SYNJ2: variants seen among roughly 807,000 people sequenced by gnomAD.
The protein encoded by SYNJ2 is synaptojanin 2, also known as polyphosphatidylinositol phosphatase SYNJ2.
A neutral mutation model predicts 141.3 loss-of-function variants in SYNJ2; 116 were observed. The observed-to-expected ratio is 0.82, with a 90% CI of 0.71 to 0.96. SYNJ2 has a LOEUF of 0.96. SYNJ2 is among the 40% of genes least tolerant of loss of function. SYNJ2 has a pLI of 0.00. For synonymous variants in SYNJ2, 745 were observed against 777.7 expected, an observed-to-expected ratio of 0.96 and a Z score of 0.70; for missense variants, 1,873 against 1,934.8, an observed-to-expected ratio of 0.97 and a Z score of 0.60.
chr6:158,083,148 G>C (rs2128390943), intron 20 of SYNJ2, among the ~76,000 whole-genome samples: 1 of 152,252 alleles, frequency 6.6e-6, no homozygotes, highest in East Asian at 1.9e-4. Context: ...GGTCAGGCTG[G>C]TCTCAAACTC....
intron 2 of SYNJ2, among the ~76,000 whole-genome samples, chr6:158,018,228 A>T: frequency 6.6e-6 from 1 of 152,150 alleles, no homozygotes; most frequent in East Asian, 1.9e-4. Context: ...TCACAGCCAA[A>T]CTCAGCTGTT....
chr6:158,097,545 A>C lies in SYNJ2; in HGVS notation c.*1181A>C, dbSNP rs1783854933. On this transcript the variant is annotated 3_prime_UTR_variant, in exon 27 of 27. Transcript: ENST00000355585. Reference sequence around the variant, plus strand: ...ATTTAATAAGAAGTTCAGTAGTGAAATCTTACTGTACCGCCTGTTGTATCT... The same window carrying C: ...ATTTAATAAGAAGTTCAGTAGTGAACTCTTACTGTACCGCCTGTTGTATCT... 6.6e-6 allele frequency: 1 copy of C among 152,198 alleles called. No individual in the cohort carries two copies. The highest frequency in any genetic ancestry group is 6.5e-5 in the Admixed American group (1 of 15,284). The allele number at this position is 152,198 out of a possible 1,614,324, so 9.4% of individuals were successfully genotyped here.
At chr6:158,019,501 G>A (rs1036347610) in intron 2 of SYNJ2, among the ~76,000 whole-genome samples, 17 of 152,178 alleles carry the variant, frequency 1.1e-4, no homozygotes, top group Non-Finnish European at 8.8e-5. Context: ...TTATTAGAGC[G>A]AGCCAGGGTG....
chr6:157,996,559 C>T (rs1243133832), intron 1 of SYNJ2, among the ~76,000 whole-genome samples: 1 of 152,162 alleles, frequency 6.6e-6, no homozygotes, highest in African/African-American at 2.4e-5. Context: ...TGCATGCACT[C>T]CCTCCCCCAG....
At chr6:158,078,638 C>T (rs1321429233) in intron 18 of SYNJ2, 3 of 183,666 alleles carry the variant, frequency 1.6e-5, no homozygotes, top group Non-Finnish European at 3.5e-5. Context: ...GATGTTATAG[C>T]TCTGGTGCAT....
intron 18 of SYNJ2, among the ~76,000 whole-genome samples, chr6:158,079,656 G>A (rs1024421366): frequency 6.6e-6 from 1 of 152,120 alleles, no homozygotes; most frequent in African/African-American, 2.4e-5. Flanking sequence ...CAGCCACCAT[G>A]CCCAGACTCT....
chr6:158,074,773 G>A (rs764132671), intron 16 of SYNJ2, 35 bp downstream of exon 16: 42 of 1,605,358 alleles, frequency 2.6e-5, no homozygotes, highest in Non-Finnish European at 6.8e-6. Flanking sequence ...TTTAGCAGCT[G>A]CTCCAAGATG....
chr6:158,053,122 T>G (rs1780659470), intron 5 of SYNJ2, among the ~76,000 whole-genome samples: 1 of 152,192 alleles, frequency 6.6e-6, no homozygotes, highest in African/African-American at 2.4e-5. Flanking sequence ...ATAATCACAT[T>G]CAGTGTATGG....
intron 4 of SYNJ2, among the ~76,000 whole-genome samples, chr6:158,042,259 C>T (rs1161653200): frequency 1.3e-5 from 2 of 152,138 alleles, no homozygotes; most frequent in Admixed American, 1.3e-4. Flanking sequence ...ATGCTTTTTT[C>T]CTTTGGAGAT....
intron 25 of SYNJ2, 68 bp from the exon 26 acceptor site, chr6:158,092,858 C>A: frequency 7.0e-7 from 1 of 1,433,984 alleles, no homozygotes; most frequent in Non-Finnish European, 9.4e-7. Flanking sequence ...TGTAGACTGT[C>A]TAAGGACGAA....
chr6:158,055,165 C>A, intron 6 of SYNJ2, 137 bp downstream of exon 6: 2 of 848,152 alleles, frequency 2.4e-6, no homozygotes, highest in South Asian at 1.8e-5. Flanking sequence ...CCCTTTGGTC[C>A]TTTATGCAAG....
intron 14 of SYNJ2, 74 bp downstream of exon 14, chr6:158,069,747 C>G (rs751873): frequency 6.9e-7 from 1 of 1,459,384 alleles, no homozygotes; most frequent in Non-Finnish European, 9.2e-7. Context: ...TTTGACTTCC[C>G]CCTCCTCCCC....
intron 1 of SYNJ2, among the ~76,000 whole-genome samples, chr6:158,014,938 G>A (rs1034391531): frequency 1.3e-5 from 2 of 152,226 alleles, no homozygotes; most frequent in Non-Finnish European, 2.9e-5. Context: ...GGGACTTGTG[G>A]TCTGATGAGG....
chr6:158,096,365 C>T lies in SYNJ2; in HGVS notation c.*1C>T, dbSNP rs1421060480. On this transcript the variant is annotated 3_prime_UTR_variant, in exon 27 of 27. Transcript: ENST00000355585. The stretch of plus-strand genomic sequence containing the variant: ...GTTTGACCCACTGGCAAAAACATGA[C>T]TGAGCAGCTTTGAAGGCTGCAGTCC... 6.3e-7 allele frequency: 1 copy of T among 1,598,366 alleles called. No homozygotes were observed. The highest frequency in any genetic ancestry group is 8.5e-7 in the Non-Finnish European group (1 of 1,174,200).
Position 158,086,928 on chromosome 6 carries a change from G to T in SYNJ2, c.3282G>T (p.Arg1094Ser). The change falls in exon 23 of 27, where the codon AGG becomes AGT. Residue 1094 changes from arginine (R) to serine (S), a missense_variant. Transcript: ENST00000355585. ...VGEFRHRSPSRSLSVPNRPRP... is the reference protein window; with the variant it reads ...VGEFRHRSPSSSLSVPNRPRP... ...AGTTCCGCCACCGTTCTCCGAGCAG[G>T]TCTCTGTCGGTCCCCAACCGGCCTC... The T allele has an allele frequency of 1.2e-6, 2 of 1,608,646 alleles. No homozygotes were observed. The highest frequency in any genetic ancestry group is 1.7e-6 in the Non-Finnish European group (2 of 1,180,002).
At chr6:158,044,315 C>T (rs571540464) in intron 5 of SYNJ2, among the ~76,000 whole-genome samples, 1 of 152,208 alleles carries the variant, frequency 6.6e-6, no homozygotes, top group Non-Finnish European at 1.5e-5. Flanking sequence ...TTTGACTTGA[C>T]CCTGTGCCAG....
intron 2 of SYNJ2, among the ~76,000 whole-genome samples, chr6:158,020,285 C>T (rs112973448): frequency 6.2e-4 from 87 of 139,856 alleles, no homozygotes; most frequent in African/African-American, 2.5e-3. Context: ...TGCGTGACTC[C>T]GACTGTGTGA....
intron 7 of SYNJ2, 114 bp downstream of exon 7, chr6:158,059,467 C>G (rs1370879948): frequency 2.0e-6 from 3 of 1,493,498 alleles, no homozygotes; most frequent in African/African-American, 1.4e-5. Flanking sequence ...AGCCCTCCTT[C>G]GTTTCCTGAG....
At chr6:158,083,946 G>C in intron 21 of SYNJ2, 55 bp from the exon 22 acceptor site, 1 of 1,587,224 alleles carries the variant, frequency 6.3e-7, no homozygotes, top group Non-Finnish European at 8.7e-7. Context: ...ATGGAAGACT[G>C]AGCCTTTCCC....
Sources: allele counts gnomAD v4.1 joint callset (sites outside exome capture counted in the v4.1 genomes callset), GRCh38; gene constraint gnomAD v4.1.1; transcripts MANE v1.5; gene names NCBI Gene and HGNC (gene_info 2026-07-23, HGNC 2026-07-21).